CAPN2: variants seen among roughly 807,000 people sequenced by gnomAD.
CAPN2 encodes the protein calpain-2 catalytic subunit.
In CAPN2, 92 loss-of-function variants were observed where a neutral mutation model predicts 102.3. The observed-to-expected ratio is 0.90, with a 90% confidence interval of 0.76 to 1.07. CAPN2 has a LOEUF of 1.07. CAPN2 is among the 50% of genes least tolerant of loss of function. The probability of loss-of-function intolerance (pLI) is 0.00; values close to 1 mark genes in which losing one functional copy is unlikely to be tolerated. For synonymous variants in CAPN2, 340 were observed against 355.4 expected (o/e 0.96, Z 0.49); for missense variants, 800 against 909.4 (o/e 0.88, Z 1.55).
Position 223,728,712 on chromosome 1 carries a change from G to A in CAPN2, c.307+10881G>A, listed in dbSNP as rs80214047. Reference sequence around the variant, plus strand: ...AGCTGCTTGGACATTAGCTCTTCATGGTTTGCGGGGTGGGGAGGATGTGTT... The same window carrying A: ...AGCTGCTTGGACATTAGCTCTTCATAGTTTGCGGGGTGGGGAGGATGTGTT... On this transcript the variant is annotated intron_variant, in intron 2 of 20. Coordinates refer to ENST00000295006, the MANE Select transcript of CAPN2 (RefSeq NM_001748.5). Among the ~76,000 whole-genome samples, 1,447 of 152,292 alleles carry A rather than the reference G, an allele frequency of 9.5e-3. 24 individuals are homozygous for A. Among genetic ancestry groups the A allele is most frequent in the African/African-American group, 0.033 (1,373 of 41,558 alleles).
intron 6 of CAPN2, 178 bp downstream of exon 6, chr1:223,749,300 C>T: frequency 1.7e-6 from 1 of 603,602 alleles, no homozygotes; most frequent in Non-Finnish European, 2.9e-6. Context: ...AGCTCGGGCG[C>T]CGGGTGCGCC....
At chr1:223,724,045 G>A (rs1660128164) in intron 2 of CAPN2, among the ~76,000 whole-genome samples, 1 of 151,842 alleles carries the variant, frequency 6.6e-6, no homozygotes, top group South Asian at 2.1e-4. Context: ...TACGGCCATA[G>A]TTGTCTTATC....
At chr1:223,769,813 C>T (rs933688759) in intron 16 of CAPN2, 28 bp from the exon 17 acceptor site, 5 of 1,581,884 alleles carry the variant, frequency 3.2e-6, no homozygotes, top group African/African-American at 2.7e-5. Context: ...TGGACCCACA[C>T]TCAAGGGCTT....
chr1:223,772,320 T>A (rs183219480), intron 20 of CAPN2, 81 bp downstream of exon 20: 2 of 1,256,388 alleles, frequency 1.6e-6, no homozygotes, highest in East Asian at 4.7e-5. Flanking sequence ...AGTGATCTGC[T>A]TTTTCAAGTT....
Position 223,712,820 on chromosome 1 carries a change from C to T in CAPN2, c.180C>T (p.Phe60=), listed in dbSNP as rs760522751. 6.4e-7 allele frequency: 1 copy of T among 1,573,684 alleles called. No homozygotes were observed. The highest frequency in any genetic ancestry group is 8.6e-7 in the Non-Finnish European group (1 of 1,162,730). Residue 60 remains phenylalanine, a synonymous_variant, in exon 1 of 21, where the codon TTC becomes TTT. Coordinates refer to ENST00000295006, the MANE Select transcript of CAPN2 (RefSeq NM_001748.5). ...SFPAIPSALG[F]KELGPYSSKT... ...CGGCCATCCCCTCGGCCCTGGGCTT[C>T]AAGGAGTTGGGGCCCTACTCCAGCA... is the stretch of plus-strand genomic sequence containing the variant.
At position 223,755,611 on chromosome 1, in the gene CAPN2, G is replaced by A; in HGVS notation, c.1267G>A (p.Gly423Ser). Residue 423 changes from glycine (G) to serine (S), a missense_variant, in exon 10 of 21, where the codon GGC (glycine) becomes AGC (serine). Gly to Ser is a moderately conservative substitution (Grantham distance 56, BLOSUM62 0). Transcript: ENST00000295006. This position sits in a 1 kb window ranked among gnomAD's most constrained non-coding sequence, Gnocchi z 4.1. ...QKHRRRQRKM[G>S]EDMHTIGFGI... ...GCACCGACGGCGGCAGAGGAAGATG[G>A]GCGAGGACATGCACACCATCGGCTT... 4.3e-6 allele frequency: 7 copies of A among 1,610,816 alleles called. No homozygotes were observed. Among genetic ancestry groups the A allele is most frequent in the Non-Finnish European group, 5.9e-6 (7 of 1,178,508 alleles).
At chr1:223,761,505 T>A (rs1571815294) in intron 12 of CAPN2, 76 bp from the exon 13 acceptor site, 1 of 1,265,690 alleles carries the variant, frequency 7.9e-7, no homozygotes, top group Non-Finnish European at 1.1e-6. Flanking sequence ...GCACTGCACT[T>A]CCATTTTAGC....
In CAPN2 at chr1:223,754,825, G is replaced by A. The variant is rs1301820686; in HGVS notation, c.1136-655G>A. 3.9e-5 allele frequency among the ~76,000 whole-genome samples: 6 copies of A among 152,090 alleles called. No homozygotes were observed. Among genetic ancestry groups the A allele is most frequent in the East Asian group, 1.9e-4 (1 of 5,172 alleles). ...CGGGCTCACCGAGGGGGCGGCGACCGGCAAGTGCAGGGAGCAGATCCCGGA... is the reference window on the plus strand; with the variant it reads ...CGGGCTCACCGAGGGGGCGGCGACCAGCAAGTGCAGGGAGCAGATCCCGGA... On this transcript the variant is annotated intron_variant, in intron 9 of 20. Transcript: ENST00000295006. This position sits in a 1 kb window ranked among gnomAD's most constrained non-coding sequence, Gnocchi z 4.7.
chr1:223,770,560 T>C, intron 18 of CAPN2, 35 bp downstream of exon 18: 1 of 1,379,730 alleles, frequency 7.2e-7, no homozygotes, highest in Non-Finnish European at 1.0e-6. Flanking sequence ...GTTCCTAGTT[T>C]AATCTGTCTG....
chr1:223,712,891 G>A lies in CAPN2; in HGVS notation c.237+14G>A. The A allele has an allele frequency of 6.7e-7, 1 of 1,501,984 alleles. No homozygotes were observed. 93.0% of individuals were successfully genotyped at this position (1,501,984 alleles called of 1,614,324 possible). ...AAGCGCCCCACGGTAGGAAGCGCGC[G>A]GCAGGACGCGGGCAGGGCGGGGTGC... On this transcript the variant is annotated intron_variant, in intron 1 of 20. Coordinates refer to ENST00000295006, the MANE Select transcript of CAPN2 (RefSeq NM_001748.5).
intron 16 of CAPN2, 76 bp downstream of exon 16, chr1:223,766,507 G>A (rs773065931): frequency 1.6e-5 from 18 of 1,158,400 alleles, no homozygotes; most frequent in Non-Finnish European, 2.2e-5. Context: ...CAAACACATG[G>A]CCTTCTCCCT....
chr1:223,706,483 G>A (rs1028429637), intron 1 of CAPN2, among the ~76,000 whole-genome samples: 2 of 152,200 alleles, frequency 1.3e-5, no homozygotes, highest in African/African-American at 4.8e-5. Context: ...AGAGGGAGGG[G>A]AAGAAAACAG....
intron 8 of CAPN2, 137 bp from the exon 9 acceptor site, chr1:223,752,659 A>G: frequency 1.4e-6 from 1 of 713,466 alleles, no homozygotes; most frequent in Non-Finnish European, 2.3e-6. Flanking sequence ...CTGATTCTGA[A>G]CCTGGTGCCC....
chr1:223,772,806 T>G (rs6675712), intron 20 of CAPN2: 17,684 of 152,342 alleles, frequency 0.12, 1,316 homozygotes, highest in East Asian at 0.21. Flanking sequence ...TAAGTGGGTA[T>G]GCTAATTTCA....
At chr1:223,711,735 C>T (rs1022527251), upstream of CAPN2, among the ~76,000 whole-genome samples, 1 of 152,176 alleles carries the variant, frequency 6.6e-6, no homozygotes, top group African/African-American at 2.4e-5. Context: ...CTCAGCCTCC[C>T]GAGTAACTGA....
rs1472320123 is a variant in CAPN2, at chr1:223,749,021, C to A, written c.730-18C>A. The A allele has an allele frequency of 1.9e-6, 3 of 1,610,270 alleles. No individual in the cohort carries two copies. The Middle Eastern group carries it at 5.0e-4, about 266-fold the overall frequency. ...GGGAGAGCGGGTGCGGCCAGTCTGA[C>A]GGTTGCTGTGTTTGCAGATCACCAG... On this transcript the variant is annotated intron_variant, in intron 5 of 20. Coordinates refer to ENST00000295006, the MANE Select transcript of CAPN2 (RefSeq NM_001748.5).
chr1:223,750,898 T>C lies in CAPN2; in HGVS notation c.822T>C (p.Ser274=). The C allele has an allele frequency of 6.4e-7, 1 of 1,552,000 alleles. No individual in the cohort carries two copies. The change falls in exon 7 of 21, where the codon AGT becomes AGC. Residue 274 remains serine, a synonymous_variant. Transcript: ENST00000295006. ...TTTATCTAATCCTGCAGGTTGAAAGTAACGGAAGCCTACAGAAACTGATCC... is the reference window on the plus strand; with the variant it reads ...TTTATCTAATCCTGCAGGTTGAAAGCAACGGAAGCCTACAGAAACTGATCC... ...YSVTGAEEVE[S]NGSLQKLIRI...
chr1:223,765,230 A>G (rs1201632948), intron 15 of CAPN2, among the ~76,000 whole-genome samples: 1 of 152,222 alleles, frequency 6.6e-6, no homozygotes, highest in Non-Finnish European at 1.5e-5. Context: ...TCCATGAGAT[A>G]AAATAAATCT....
chr1:223,702,161 C>A (rs1017937433), intron 1 of CAPN2, among the ~76,000 whole-genome samples: 1 of 138,966 alleles, frequency 7.2e-6, no homozygotes, highest in Non-Finnish European at 1.5e-5. Flanking sequence ...CGCCGTGGCT[C>A]ACGCCTGTAA....
Sources: allele counts gnomAD v4.1 joint callset (sites outside exome capture counted in the v4.1 genomes callset), GRCh38; gene constraint gnomAD v4.1.1; non-coding constraint Gnocchi (gnomAD v3.1); transcripts MANE v1.5; gene names NCBI Gene and HGNC (gene_info 2026-07-23, HGNC 2026-07-21).